The following SPATS2L variants were observed in gnomAD, a reference collection of about 807,000 sequenced individuals.
SPATS2L encodes spermatogenesis associated serine rich 2 like, also known as SPATS2-like protein.
In SPATS2L, 30 loss-of-function variants were observed where a neutral mutation model predicts 59.6. That is an observed-to-expected ratio of 0.50 (90% CI 0.38 to 0.68). SPATS2L has a LOEUF of 0.68. SPATS2L is among the 30% of genes least tolerant of loss of function. The pLI is 0.00. For synonymous variants in SPATS2L, 252 were observed against 263.5 expected, an observed-to-expected ratio of 0.96 and a Z score of 0.42; for missense variants, 615 against 700.0, an observed-to-expected ratio of 0.88 and a Z score of 1.37.
intron 2 of SPATS2L, among the ~76,000 whole-genome samples, chr2:200,366,090 T>G (rs1287002615): frequency 6.6e-6 from 1 of 152,182 alleles, no homozygotes; most frequent in Non-Finnish European, 1.5e-5. Flanking sequence ...GAAATTTTGT[T>G]GAGATGCTAA....
chr2:200,450,601 T>C (rs1047846139), intron 8 of SPATS2L, among the ~76,000 whole-genome samples: 2 of 152,164 alleles, frequency 1.3e-5, no homozygotes, highest in African/African-American at 2.4e-5. Flanking sequence ...TTTCAAACAT[T>C]TGAGTGCACG....
chr2:200,435,934 CT>C (rs2084258144), intron 6 of SPATS2L, among the ~76,000 whole-genome samples: 1 of 152,058 alleles, frequency 6.6e-6, no homozygotes. Flanking sequence ...TGTAGTCAAT[CT>C]TTTTTAAATT....
intron 9 of SPATS2L, among the ~76,000 whole-genome samples, chr2:200,460,086 T>C (rs2086129303): frequency 6.6e-6 from 1 of 152,162 alleles, no homozygotes. Flanking sequence ...ACATAATAGG[T>C]GTCAGTTGAG....
chr2:200,462,788 T>C (rs895001316), intron 9 of SPATS2L, among the ~76,000 whole-genome samples: 7 of 152,044 alleles, frequency 4.6e-5, no homozygotes, highest in Non-Finnish European at 7.4e-5. Context: ...TAGCCACGTG[T>C]GGTGGCATGT....
At chr2:200,308,865 T>C (rs1430375483) in intron 1 of SPATS2L, 6 of 571,258 alleles carry the variant, frequency 1.1e-5, no homozygotes, top group Non-Finnish European at 1.9e-5. Flanking sequence ...TCAAGACTCC[T>C]TTTGTATTCA....
intron 1 of SPATS2L, among the ~76,000 whole-genome samples, chr2:200,328,953 C>A (rs2079845664): frequency 1.3e-5 from 2 of 152,100 alleles, no homozygotes; most frequent in South Asian, 4.1e-4. Flanking sequence ...ACTTGATTGC[C>A]AGCTACATTT....
chr2:200,316,654 TC>T (rs1167287251), intron 1 of SPATS2L, among the ~76,000 whole-genome samples: 2 of 152,218 alleles, frequency 1.3e-5, no homozygotes, highest in African/African-American at 4.8e-5. Flanking sequence ...TTCCACCTTG[TC>T]TCCTGCATTC....
At chr2:200,364,535 T>C (rs2081209117) in intron 2 of SPATS2L, among the ~76,000 whole-genome samples, 1 of 152,190 alleles carries the variant, frequency 6.6e-6, no homozygotes, top group Admixed American at 6.5e-5. Context: ...GCCCAGTCAC[T>C]TTAAGGGGAC....
intron 12 of SPATS2L, among the ~76,000 whole-genome samples, chr2:200,474,968 A>G (rs1165870152): frequency 6.6e-6 from 1 of 152,306 alleles, no homozygotes; most frequent in East Asian, 1.9e-4. Flanking sequence ...GCTGCCAGTC[A>G]GTACTCGAGA....
At chr2:200,413,593 A>G (rs1224912304) in intron 4 of SPATS2L, among the ~76,000 whole-genome samples, 1 of 152,240 alleles carries the variant, frequency 6.6e-6, no homozygotes, top group Non-Finnish European at 1.5e-5. Flanking sequence ...AATAAGGTCA[A>G]GGAAGACCTG....
At chr2:200,434,158 CAT>C (rs1177636407) in intron 6 of SPATS2L, among the ~76,000 whole-genome samples, 1 of 151,770 alleles carries the variant, frequency 6.6e-6, no homozygotes, top group African/African-American at 2.4e-5. Flanking sequence ...AAAAAATCAA[CAT>C]AATATTATTA....
intron 2 of SPATS2L, among the ~76,000 whole-genome samples, chr2:200,388,240 C>T (rs1006303367): frequency 6.6e-6 from 1 of 151,966 alleles, no homozygotes; most frequent in Non-Finnish European, 1.5e-5. Flanking sequence ...ATATGGTGGT[C>T]ACCTCCTCTT....
intron 1 of SPATS2L, among the ~76,000 whole-genome samples, chr2:200,313,315 C>T (rs1054197306): frequency 6.6e-6 from 1 of 152,192 alleles, no homozygotes; most frequent in African/African-American, 2.4e-5. Flanking sequence ...GTGACTTCTT[C>T]CCATGCTCAG....
intron 3 of SPATS2L, among the ~76,000 whole-genome samples, chr2:200,395,997 T>G (rs556052097): frequency 4.6e-5 from 4 of 86,714 alleles, no homozygotes; most frequent in South Asian, 4.1e-4. Flanking sequence ...GGCAAAAGAG[T>G]GAGACTCGAT....
intron 2 of SPATS2L, among the ~76,000 whole-genome samples, chr2:200,366,660 C>T (rs1401590672): frequency 6.6e-6 from 1 of 152,106 alleles, no homozygotes; most frequent in Admixed American, 6.5e-5. Flanking sequence ...ACTAACATCC[C>T]AGCAAAAATG....
intron 2 of SPATS2L, among the ~76,000 whole-genome samples, chr2:200,339,393 G>T (rs543139571): frequency 2.0e-5 from 3 of 151,968 alleles, no homozygotes; most frequent in Non-Finnish European, 2.9e-5. Flanking sequence ...CATTCCTTTT[G>T]AAAATAATTA....
At chr2:200,367,253 C>T (rs993788737) in intron 2 of SPATS2L, among the ~76,000 whole-genome samples, 10 of 151,984 alleles carry the variant, frequency 6.6e-5, no homozygotes, top group African/African-American at 2.4e-4. Flanking sequence ...GGGTTTTTTT[C>T]CCCCACTCTC....
intron 2 of SPATS2L, among the ~76,000 whole-genome samples, chr2:200,352,990 C>T (rs1379324818): frequency 6.6e-6 from 1 of 152,186 alleles, no homozygotes; most frequent in African/African-American, 2.4e-5. Flanking sequence ...CTGACAACAG[C>T]ATCTACATGT....
intron 8 of SPATS2L, among the ~76,000 whole-genome samples, chr2:200,448,640 C>T (rs2085229563): frequency 1.3e-5 from 2 of 152,112 alleles, no homozygotes; most frequent in South Asian, 4.1e-4. Flanking sequence ...CTATACAAAC[C>T]AGACTTTCTG....
Sources: gnomAD v4.1 joint callset for allele counts (sites outside exome capture counted in the v4.1 genomes callset) on GRCh38, gnomAD v4.1.1 for gene constraint, MANE v1.5 for transcripts, NCBI Gene and HGNC (gene_info 2026-07-23, HGNC 2026-07-21) for gene names.